Variants in TAF4 observed in about 807,000 individuals in gnomAD.
The protein encoded by TAF4 is transcription initiation factor TFIID subunit 4.
Under a neutral mutation model 90.3 loss-of-function variants are expected in TAF4, and 9 were observed. The ratio of observed to expected loss-of-function variants is 0.10; its 90% CI spans 0.06 to 0.17. TAF4 has a LOEUF of 0.17. Ranked by LOEUF, TAF4 falls within the 10% of genes least tolerant of loss-of-function variation. The pLI, the probability that TAF4 is intolerant of heterozygous loss-of-function variation, is 1.00. For missense variants in TAF4, 1,351 were observed against 1,370.7 expected, an observed-to-expected ratio of 0.99 and a Z score of 0.23; for synonymous variants, 818 against 638.9, an observed-to-expected ratio of 1.28 and a Z score of -4.23.
intron 1 of TAF4, 73 bp downstream of exon 1, chr20:62,064,378 G>A (rs916998683): frequency 7.9e-6 from 10 of 1,270,756 alleles, no homozygotes; most frequent in South Asian, 2.5e-5. Flanking sequence ...TTCCACCAGC[G>A]GAGAACTTCC....
At chr20:62,004,882 T>C (rs2055734364) in intron 7 of TAF4, 1 of 152,328 alleles carries the variant, frequency 6.6e-6, no homozygotes, top group Non-Finnish European at 1.5e-5. Flanking sequence ...GCCTATGCTC[T>C]GGCCCTGTCC....
chr20:62,065,082 G>T lies in TAF4; in HGVS notation c.729C>A (p.Phe243Leu). ...GCGCGGGGGGCGCGGCGGCGCCCAC[G>T]AAGGGGGGCGTCTGGATGACAGTGC... is the stretch of plus-strand genomic sequence containing the variant. ...APGTVIQTPPFVGAAAPPAPA... is the reference protein window; with the variant it reads ...APGTVIQTPPLVGAAAPPAPA... The change falls in exon 1 of 15, where the codon TTC (phenylalanine) becomes TTA (leucine). Residue 243 changes from phenylalanine to leucine, a missense_variant. By Grantham distance (22) the Phe-to-Leu change is conservative (BLOSUM62 0). Around this residue, in one of 9 missense-constraint regions of TAF4, gnomAD observed 782 missense variants for 536.6 expected, o/e 1.46. Transcript: ENST00000252996. 1.0e-6 allele frequency: 1 copy of T among 972,100 alleles called. No individual in the cohort carries two copies. The highest frequency in any genetic ancestry group is 1.2e-6 in the Non-Finnish European group (1 of 819,050). The allele number at this position is 972,100 out of a possible 1,614,324, so 60.2% of individuals were successfully genotyped here.
intron 1 of TAF4, among the ~76,000 whole-genome samples, chr20:62,046,165 G>A (rs1312828658): frequency 3.3e-5 from 5 of 152,136 alleles, no homozygotes; most frequent in East Asian, 3.9e-4. Context: ...TTCCTTCCCC[G>A]AAACACCACG....
chr20:62,027,796 C>A (rs1189246532), intron 1 of TAF4, among the ~76,000 whole-genome samples: 1 of 152,256 alleles, frequency 6.6e-6, no homozygotes, highest in Non-Finnish European at 1.5e-5. Flanking sequence ...AAGCCCTCAA[C>A]ACACAACGGA....
intron 3 of TAF4, 99 bp downstream of exon 3, chr20:62,012,716 T>C: frequency 8.9e-7 from 1 of 1,118,176 alleles, no homozygotes; most frequent in Admixed American, 3.2e-5. Flanking sequence ...GTATCCAGTT[T>C]AAAAAAAAAA....
chr20:62,009,933 G>C, intron 4 of TAF4, 113 bp downstream of exon 4: 2 of 1,508,452 alleles, frequency 1.3e-6, no homozygotes, highest in Non-Finnish European at 1.8e-6. Flanking sequence ...GCTTTGTGAA[G>C]CAAGCAGTGA....
chr20:62,015,277 G>GATGC (rs2055806061), intron 1 of TAF4, among the ~76,000 whole-genome samples: 1 of 152,240 alleles, frequency 6.6e-6, no homozygotes, highest in South Asian at 2.1e-4. Flanking sequence ...CACAGGCGCA[G>GATGC]ATGCGACGCA....
chr20:62,035,452 C>A (rs1448614594), intron 1 of TAF4, among the ~76,000 whole-genome samples: 2 of 152,142 alleles, frequency 1.3e-5, no homozygotes, highest in African/African-American at 4.8e-5. Flanking sequence ...ATGGAGACCA[C>A]AGAGGTGAGG....
chr20:62,043,377 G>A (rs1906746380), intron 1 of TAF4, among the ~76,000 whole-genome samples: 1 of 152,176 alleles, frequency 6.6e-6, no homozygotes, highest in South Asian at 2.1e-4. Flanking sequence ...TAAGCTAAGT[G>A]TTACTACAAA....
chr20:61,987,677 T>G (rs761008668), intron 14 of TAF4, among the ~76,000 whole-genome samples: 3 of 152,242 alleles, frequency 2.0e-5, no homozygotes, highest in Admixed American at 6.5e-5. Flanking sequence ...CTTACAAAAC[T>G]AAACGTGCTC....
At chr20:62,045,824 C>T (rs2055990169) in intron 1 of TAF4, among the ~76,000 whole-genome samples, 1 of 152,202 alleles carries the variant, frequency 6.6e-6, no homozygotes, top group Non-Finnish European at 1.5e-5. Flanking sequence ...GAAGGGAAGA[C>T]AGAACTGACG....
intron 1 of TAF4, among the ~76,000 whole-genome samples, chr20:62,050,641 A>G (rs1051052011): frequency 9.2e-5 from 14 of 152,200 alleles, no homozygotes; most frequent in Non-Finnish European, 1.9e-4. Context: ...TGCAGGCTCC[A>G]TGAGAGCCAC....
intron 1 of TAF4, among the ~76,000 whole-genome samples, chr20:62,016,827 G>C (rs1389513217): frequency 1.3e-5 from 2 of 152,136 alleles, no homozygotes; most frequent in African/African-American, 4.8e-5. Flanking sequence ...GAGACACCTT[G>C]CTCCTCCTCC....
intron 1 of TAF4, among the ~76,000 whole-genome samples, chr20:62,025,027 A>G (rs949470149): frequency 2.6e-5 from 4 of 152,230 alleles, no homozygotes; most frequent in African/African-American, 9.6e-5. Context: ...TAAAATAGCT[A>G]AAACTAAAAA....
chr20:62,053,001 A>C (rs1016725434), intron 1 of TAF4, among the ~76,000 whole-genome samples: 1 of 152,088 alleles, frequency 6.6e-6, no homozygotes, highest in African/African-American at 2.4e-5. Context: ...CCAGGTCTCC[A>C]GGGCTGGAAC....
intron 3 of TAF4, chr20:62,012,143 G>C (rs905557786): frequency 1.3e-5 from 2 of 152,322 alleles, no homozygotes; most frequent in African/African-American, 2.4e-5. Flanking sequence ...TGAAAACGCT[G>C]TTCTAGAAAC....
chr20:62,001,433 C>T (rs918240594), intron 9 of TAF4, among the ~76,000 whole-genome samples: 4 of 152,236 alleles, frequency 2.6e-5, no homozygotes, highest in African/African-American at 9.6e-5. Context: ...TGCAGGACGT[C>T]CTCTTCCAGG....
chr20:61,991,720 A>G (rs938088219), intron 14 of TAF4, among the ~76,000 whole-genome samples: 2 of 152,192 alleles, frequency 1.3e-5, no homozygotes, highest in African/African-American at 4.8e-5. Flanking sequence ...GAAAGAAACA[A>G]AAGAACAGAA....
chr20:62,023,509 A>G (rs2055855397), intron 1 of TAF4, among the ~76,000 whole-genome samples: 1 of 152,086 alleles, frequency 6.6e-6, no homozygotes, highest in Non-Finnish European at 1.5e-5. Flanking sequence ...GCACTTCGGA[A>G]GGCCGAGGCG....
Sources: gnomAD v4.1 joint callset for allele counts (sites outside exome capture counted in the v4.1 genomes callset) on GRCh38, gnomAD v4.1.1 for gene constraint, gnomAD v4.1.1 regional missense constraint, MANE v1.5 for transcripts, NCBI Gene and HGNC (gene_info 2026-07-23, HGNC 2026-07-21) for gene names.